Variants in NCALD observed in about 807,000 individuals in gnomAD.
NCALD encodes neurocalcin delta.
In NCALD, 10 loss-of-function variants were observed where a neutral mutation model predicts 18.6. The ratio of observed to expected loss-of-function variants is 0.54; its 90% confidence interval spans 0.33 to 0.91. NCALD has a LOEUF of 0.91. Ranked by LOEUF, NCALD falls within the 40% of genes least tolerant of loss-of-function variation. The probability of loss-of-function intolerance (pLI) is 0.03; values close to 1 mark genes in which losing one functional copy is unlikely to be tolerated. For synonymous variants in NCALD, 88 were observed against 87.4 expected, an observed-to-expected ratio of 1.01 and a Z score of -0.04; for missense variants, 184 against 247.6, an observed-to-expected ratio of 0.74 and a Z score of 1.72.
At chr8:101,744,146 T>C (rs978253013) in intron 1 of NCALD, among the ~76,000 whole-genome samples, 2 of 152,190 alleles carry the variant, frequency 1.3e-5, no homozygotes, top group African/African-American at 4.8e-5. Context: ...CCTCAGCTCC[T>C]ACCATCTTTG....
At chr8:101,975,037 T>C (rs1365444344) in intron 2 of NCALD, among the ~76,000 whole-genome samples, 1 of 152,208 alleles carries the variant, frequency 6.6e-6, no homozygotes, top group Non-Finnish European at 1.5e-5. Context: ...CAATGCTTCT[T>C]AAGTCTTAGA....
chr8:101,687,316 A>C lies in NCALD; in HGVS notation c.*1993T>G, dbSNP rs940971884. On this transcript the variant is annotated 3_prime_UTR_variant, in exon 4 of 4. Coordinates refer to ENST00000220931, the MANE Select transcript of NCALD (RefSeq NM_032041.3). ...CTGAGCACTGCCAATAGGGCATGCT[A>C]GGTCTCCTCACCCAGTCTGCCTTCT... is the stretch of plus-strand genomic sequence containing the variant. 2.0e-5 allele frequency: 3 copies of C among 152,824 alleles called. No homozygotes were observed. Among genetic ancestry groups the C allele is most frequent in the Non-Finnish European group, 4.4e-5 (3 of 68,046 alleles). 9.5% of individuals were successfully genotyped at this position (152,824 alleles called of 1,614,324 possible). A position where few individuals can be genotyped will look rare whatever the true frequency, so the allele number is the denominator to read the frequency against.
intron 1 of NCALD, among the ~76,000 whole-genome samples, chr8:102,055,408 C>T (rs571963985): frequency 2.6e-5 from 4 of 152,246 alleles, no homozygotes; most frequent in African/African-American, 9.6e-5. Context: ...ACGTTCACGA[C>T]ATAAAGAGAA....
At chr8:102,003,511 T>C (rs1382251838) in intron 2 of NCALD, among the ~76,000 whole-genome samples, 1 of 152,088 alleles carries the variant, frequency 6.6e-6, no homozygotes, top group Admixed American at 6.5e-5. Flanking sequence ...AAAGAGGGAA[T>C]CCTCCCTAAC....
chr8:101,921,172 A>G (rs1320208143), intron 2 of NCALD, among the ~76,000 whole-genome samples: 2 of 152,216 alleles, frequency 1.3e-5, no homozygotes, highest in East Asian at 3.9e-4. Context: ...AGTACCTCTG[A>G]GAGTGCCAGT....
chr8:102,006,872 A>G (rs1245299474), intron 2 of NCALD, among the ~76,000 whole-genome samples: 1 of 152,186 alleles, frequency 6.6e-6, no homozygotes, highest in Non-Finnish European at 1.5e-5. Flanking sequence ...TCTCCAGAGT[A>G]TGCCTTATGT....
chr8:101,688,809 C>T lies in NCALD; in HGVS notation c.*500G>A. On this transcript the variant is annotated 3_prime_UTR_variant, in exon 4 of 4. Coordinates refer to ENST00000220931, the MANE Select transcript of NCALD (RefSeq NM_032041.3). ...GAGTGGGCCCCCATGGGGAAATGTCCCAGCTCGCTGGAATAGCCTCACCCC... is the reference window on the plus strand; with the variant it reads ...GAGTGGGCCCCCATGGGGAAATGTCTCAGCTCGCTGGAATAGCCTCACCCC... 1 of 621,646 alleles carries T rather than the reference C, an allele frequency of 1.6e-6. No individual in the cohort carries two copies. The highest frequency in any genetic ancestry group is 3.0e-6 in the Non-Finnish European group (1 of 336,856). 38.5% of individuals were successfully genotyped at this position (621,646 alleles called of 1,614,324 possible).
intron 2 of NCALD, among the ~76,000 whole-genome samples, chr8:101,698,530 A>C (rs1454464898): frequency 1.3e-5 from 2 of 152,154 alleles, no homozygotes; most frequent in Middle Eastern, 3.2e-3. Flanking sequence ...GACTTCAAAC[A>C]ATATTACAAG....
rs1038544520 is a variant in NCALD, at chr8:101,832,856, A to G, written c.-20+54285T>C. On this transcript the variant is annotated intron_variant, in intron 4 of 6. Transcript: ENST00000311028. ...CCAAATAAATGGTGACTCATTATTC[A>G]CCTGCCAGGTCTGAAATTACCATGT... 1.2e-4 allele frequency among the ~76,000 whole-genome samples: 19 copies of G among 152,196 alleles called. 1 individual carries two copies. In the East Asian group the frequency reaches 3.7e-3, roughly 29 times the overall value.
chr8:101,695,245 A>T (rs141361116), intron 2 of NCALD, among the ~76,000 whole-genome samples: 2 of 152,330 alleles, frequency 1.3e-5, no homozygotes, highest in African/African-American at 4.8e-5. Flanking sequence ...TGCGGGGAAG[A>T]GCACTTACAG....
intron 1 of NCALD, among the ~76,000 whole-genome samples, chr8:101,738,136 A>G (rs545777830): frequency 2.6e-4 from 40 of 152,156 alleles, no homozygotes; most frequent in African/African-American, 4.8e-5. Flanking sequence ...TTTATCAGCA[A>G]TGGTACCGGT....
intron 1 of NCALD, among the ~76,000 whole-genome samples, chr8:101,788,434 GTTGTTGTA>G (rs1812318477): frequency 6.6e-6 from 1 of 152,290 alleles, no homozygotes; most frequent in East Asian, 1.9e-4. Flanking sequence ...TCATTTTACA[GTTGTTGTA>G]GATATCCTGA....
At position 101,689,321 on chromosome 8, in the gene NCALD, G is replaced by A. The variant is rs754218249; in HGVS notation, c.570C>T (p.Ala190=). 30 of 1,613,646 alleles carry A rather than the reference G, an allele frequency of 1.9e-5. No individual in the cohort carries two copies. Among genetic ancestry groups the A allele is most frequent in the Admixed American group, 1.0e-4 (6 of 59,976 alleles). Residue 190 remains alanine (A), a synonymous_variant, in exon 4 of 4, where the codon GCC becomes GCT. Coordinates refer to ENST00000220931, the MANE Select transcript of NCALD (RefSeq NM_032041.3). The surrounding 1 kb of genome is among the most constrained non-coding windows in gnomAD (Gnocchi z 4.4). ...GTGGGCGCAGGGCTCAGAACTGGCC[G>A]GCACTGCTCGGGTCGCACTGCAGGA... ...VRLLQCDPSS[A]GQF
intron 1 of NCALD, among the ~76,000 whole-genome samples, chr8:101,739,138 A>C (rs968922042): frequency 1.3e-5 from 2 of 151,164 alleles, no homozygotes; most frequent in African/African-American, 4.9e-5. Context: ...ATCACCCCCT[A>C]TGTCCTCATA....
At chr8:101,770,547 A>C (rs981529095) in intron 1 of NCALD, among the ~76,000 whole-genome samples, 12 of 152,232 alleles carry the variant, frequency 7.9e-5, no homozygotes, top group South Asian at 2.1e-4. Context: ...TGCAAAGAAG[A>C]AGCAGGCTGG....
In NCALD at chr8:101,901,588, T is replaced by C. The variant is rs189480920; in HGVS notation, c.-107+14221A>G. ...AATATACACAACTTACCAGAGTGTA[T>C]TGGTAGAATTCTTACCTCCCTTTAC... On this transcript the variant is annotated intron_variant, in intron 3 of 6. Coordinates refer to the NCALD transcript ENST00000311028. Among the ~76,000 whole-genome samples, 32 of 152,284 alleles carry C rather than the reference T, an allele frequency of 2.1e-4. 1 individual carries two copies. Among genetic ancestry groups the C allele is most frequent in the African/African-American group, 7.5e-4 (31 of 41,570 alleles).
chr8:102,103,744 C>T (rs2132423145), intron 1 of NCALD, among the ~76,000 whole-genome samples: 2 of 152,150 alleles, frequency 1.3e-5, no homozygotes, highest in Middle Eastern at 6.8e-3. Flanking sequence ...ATTGAAAAAC[C>T]TCAAAACAGC....
In NCALD at chr8:101,692,899, G is replaced by A. The variant is rs1443510868; in HGVS notation, c.379-3C>T. The A allele has an allele frequency of 6.2e-7, 1 of 1,606,068 alleles. No homozygotes were observed. The highest frequency in any genetic ancestry group is 8.5e-7 in the Non-Finnish European group (1 of 1,172,804). On this transcript the variant is annotated splice_region_variant and splice_polypyrimidine_tract_variant and intron_variant, in intron 2 of 3. Coordinates refer to ENST00000220931, the MANE Select transcript of NCALD (RefSeq NM_032041.3). ...GAGGAAACCATCTTATAGATTGCCT[G>A]GGGACAGAAGCGACATGGTGGTAAG...
chr8:101,937,210 C>T (rs577576102), intron 2 of NCALD, among the ~76,000 whole-genome samples: 12 of 109,766 alleles, frequency 1.1e-4, no homozygotes, highest in African/African-American at 2.5e-4. Flanking sequence ...ATTTTAGGTT[C>T]GGGGGTAACA....
Sources: allele counts gnomAD v4.1 joint callset (sites outside exome capture counted in the v4.1 genomes callset), GRCh38; gene constraint gnomAD v4.1.1; non-coding constraint Gnocchi (gnomAD v3.1); transcripts MANE v1.5; gene names NCBI Gene and HGNC (gene_info 2026-07-23, HGNC 2026-07-21).